CD5: variants seen among roughly 807,000 people sequenced by gnomAD.
CD5 encodes T-cell surface glycoprotein CD5.
In CD5, 36 loss-of-function variants were observed where a neutral mutation model predicts 60.3. The ratio of observed to expected loss-of-function variants is 0.60; its 90% CI spans 0.46 to 0.79. The LOEUF is 0.79. CD5 is among the 30% of genes least tolerant of loss of function. The pLI is 0.00. For synonymous variants in CD5, 230 were observed against 257.6 expected, an observed-to-expected ratio of 0.89 and a Z score of 1.03; for missense variants, 540 against 630.6, an observed-to-expected ratio of 0.86 and a Z score of 1.54.
At position 61,119,554 on chromosome 11, in the gene CD5, G is replaced by A; in HGVS notation, c.784G>A (p.Val262Ile). The change falls in exon 5 of 11, where the codon GTT becomes ATT. Residue 262 changes from valine to isoleucine, a missense_variant. Val to Ile is a conservative substitution (Grantham distance 29). Coordinates refer to ENST00000347785, the MANE Select transcript of CD5 (RefSeq NM_014207.4). Reference sequence around the variant, plus strand: ...AATCAAGCCCCAGAAAAGTGGCCGAGTTCTTGCCCTCCTTTGCTCAGGTAA... The same window carrying A: ...AATCAAGCCCCAGAAAAGTGGCCGAATTCTTGCCCTCCTTTGCTCAGGTAA... ...RKIKPQKSGRVLALLCSGFQP... is the reference protein window; with the variant it reads ...RKIKPQKSGRILALLCSGFQP... 1 of 1,611,754 alleles carries A rather than the reference G, an allele frequency of 6.2e-7. No individual in the cohort carries two copies. Among genetic ancestry groups the A allele is most frequent in the East Asian group, 2.2e-5 (1 of 44,884 alleles).
chr11:61,114,693 T>A (rs1306723840), intron 1 of CD5, among the ~76,000 whole-genome samples: 3 of 152,112 alleles, frequency 2.0e-5, no homozygotes, highest in African/African-American at 7.2e-5. Flanking sequence ...AAGGTTAGCA[T>A]GAGGGAATTT....
intron 2 of CD5, among the ~76,000 whole-genome samples, chr11:61,116,499 AC>A: frequency 1.8e-5 from 2 of 114,132 alleles, no homozygotes; most frequent in African/African-American, 7.2e-5. Flanking sequence ...CACACACACC[AC>A]CACACCACAC....
chr11:61,105,288 C>A (rs576692507), intron 1 of CD5, among the ~76,000 whole-genome samples: 1 of 152,338 alleles, frequency 6.6e-6, no homozygotes, highest in East Asian at 1.9e-4. Context: ...ACTGGCCTAG[C>A]CGATGCGACT....
upstream of CD5, among the ~76,000 whole-genome samples, chr11:61,100,288 A>ACATT (rs1189603424): frequency 2.8e-5 from 4 of 142,522 alleles, no homozygotes; most frequent in Non-Finnish European, 1.5e-5. Context: ...CATGGAGATC[A>ACATT]CACATACATC....
chr11:61,113,568 C>T (rs533632410), intron 1 of CD5, among the ~76,000 whole-genome samples: 1 of 152,362 alleles, frequency 6.6e-6, no homozygotes, highest in South Asian at 2.1e-4. Flanking sequence ...CAGAAATGGG[C>T]AGCTGTTAAA....
intron 2 of CD5, among the ~76,000 whole-genome samples, chr11:61,116,814 C>T (rs535866782): frequency 0.018 from 2,709 of 147,162 alleles, 87 homozygotes; most frequent in African/African-American, 0.062. Flanking sequence ...ACACACACCA[C>T]ACACACATAC....
upstream of CD5, among the ~76,000 whole-genome samples, chr11:61,097,854 G>A (rs1860605113): frequency 6.6e-6 from 1 of 152,176 alleles, no homozygotes; most frequent in African/African-American, 2.4e-5. Flanking sequence ...ACGGTTACAA[G>A]CTGCCTTAGA....
chr11:61,119,574 A>G lies in CD5; in HGVS notation c.804A>G (p.Ser268=), dbSNP rs775270359. The change falls in exon 5 of 11, where the codon TCA becomes TCG. Residue 268 remains serine (S), a splice_region_variant and synonymous_variant. Transcript: ENST00000347785. The part of the protein sequence containing the change: ...KSGRVLALLC[S]GFQPKVQSRL... ...GCCGAGTTCTTGCCCTCCTTTGCTC[A>G]GGTAAGTGAGACCTGGCCAAGCCCC... is the stretch of plus-strand genomic sequence containing the variant. The G allele has an allele frequency of 6.2e-7, 1 of 1,602,816 alleles. No homozygotes were observed. The highest frequency in any genetic ancestry group is 1.3e-5 in the African/African-American group (1 of 74,766).
In CD5 at chr11:61,118,608, A is replaced by G; in HGVS notation, c.400+128A>G. The G allele has an allele frequency of 1.2e-6, 1 of 859,082 alleles. No individual in the cohort carries two copies. Among genetic ancestry groups the G allele is most frequent in the Non-Finnish European group, 1.8e-6 (1 of 559,768 alleles). 53.2% of individuals were successfully genotyped at this position (859,082 alleles called of 1,614,324 possible). ...GGTGGGGGGACCCCAGTTTATAACC[A>G]CTCCCCAAGACACATACCCAGGAGG... is the stretch of plus-strand genomic sequence containing the variant. On this transcript the variant is annotated intron_variant, in intron 3 of 10. Transcript: ENST00000347785. This position sits in a 1 kb window ranked among gnomAD's most constrained non-coding sequence, Gnocchi z 4.7.
upstream of CD5, among the ~76,000 whole-genome samples, chr11:61,100,165 A>G (rs62646345): frequency 0.24 from 33,143 of 135,962 alleles, 4,441 homozygotes; most frequent in African/African-American, 0.36. Context: ...CACAACATGG[A>G]GATTACACAC....
At chr11:61,123,081 AGG>A (rs752819439) in intron 7 of CD5, 49 bp downstream of exon 7, 1 of 1,548,754 alleles carries the variant, frequency 6.5e-7, no homozygotes, top group Non-Finnish European at 8.8e-7. Context: ...CAGAGACTGG[AGG>A]GGCTGCACTA....
rs146318104 is a variant in CD5, at chr11:61,121,451, G to A, written c.806-160G>A. On this transcript the variant is annotated intron_variant, in intron 5 of 10. Coordinates refer to ENST00000347785, the MANE Select transcript of CD5 (RefSeq NM_014207.4). ...GGAAGAGCCACAGAGGGTGCCAGAAGGAGGGAAGGGCAGAAAAGAAGGCTG... is the reference window on the plus strand; with the variant it reads ...GGAAGAGCCACAGAGGGTGCCAGAAAGAGGGAAGGGCAGAAAAGAAGGCTG... Among the ~76,000 whole-genome samples the A allele has an allele frequency of 7.5e-3, 1,143 of 152,366 alleles. 16 individuals carry two copies. Among genetic ancestry groups the A allele is most frequent in the African/African-American group, 0.026 (1,092 of 41,588 alleles).
Position 61,118,864 on chromosome 11 carries a change from C to A in CD5, c.401-51C>A. On this transcript the variant is annotated intron_variant, in intron 3 of 10. Transcript: ENST00000347785. The surrounding 1 kb of genome is among the most constrained non-coding windows in gnomAD (Gnocchi z 4.7). ...TCCTCTCAAGGCTGCTGGCTGCCCC[C>A]GGCCCTCCCCACACCACCCATTCCT... 1 of 1,389,376 alleles carries A rather than the reference C, an allele frequency of 7.2e-7. No individual in the cohort carries two copies. 86.1% of individuals were successfully genotyped at this position (1,389,376 alleles called of 1,614,324 possible).
rs377071919 is a variant in CD5 at position 61,122,487 on chromosome 11, GTGGATGGA to G, written c.1100-403_1100-396del. Among the ~76,000 whole-genome samples, 677 of 150,222 alleles carry G rather than the reference GTGGATGGA, an allele frequency of 4.5e-3. 4 individuals carry two copies. Among genetic ancestry groups the G allele is most frequent in the African/African-American group, 0.016 (643 of 40,768 alleles). On this transcript the variant is annotated intron_variant, in intron 6 of 10. Transcript: ENST00000347785. The stretch of plus-strand genomic sequence containing the variant: ...GATGAGTGGACTGATGGATGGGTGA[GTGGATGGA>G]TGGATGGATGGATGGACAGAAGGGC...
upstream of CD5, chr11:61,102,440 T>C (rs1860706730): frequency 9.8e-6 from 5 of 507,674 alleles, no homozygotes; most frequent in East Asian, 8.5e-5. Context: ...CTGCTCCCCG[T>C]CCCACCCCTC....
At chr11:61,121,154 T>C (rs2134608836) in intron 5 of CD5, among the ~76,000 whole-genome samples, 1 of 152,370 alleles carries the variant, frequency 6.6e-6, no homozygotes, top group Non-Finnish European at 1.5e-5. Flanking sequence ...CTCAGGGCAG[T>C]AGGTCTTTCC....
upstream of CD5, among the ~76,000 whole-genome samples, chr11:61,100,581 ACACACACATCAACATGGAGAT>A (rs1565181053): frequency 1.0e-3 from 130 of 125,396 alleles, 5 homozygotes; most frequent in African/African-American, 4.2e-3. Context: ...CATGGAGATC[ACACACACATCAACATGGAGAT>A]CACACACACA....
At chr11:61,095,029 G>A in the CD5 span, among the ~76,000 whole-genome samples, 5 of 152,256 alleles carry the variant, frequency 3.3e-5, no homozygotes, top group East Asian at 9.6e-4. Flanking sequence ...GTAGCAAAGG[G>A]ACAGTTAGTT....
chr11:61,101,690 C>T (rs1030411032), upstream of CD5, among the ~76,000 whole-genome samples: 1 of 151,122 alleles, frequency 6.6e-6, no homozygotes, highest in Non-Finnish European at 1.5e-5. Flanking sequence ...CGATCACAAT[C>T]ACACACATCA....
Sources: allele counts gnomAD v4.1 joint callset (sites outside exome capture counted in the v4.1 genomes callset), GRCh38; gene constraint gnomAD v4.1.1; non-coding constraint Gnocchi (gnomAD v3.1); transcripts MANE v1.5; gene names NCBI Gene and HGNC (gene_info 2026-07-23, HGNC 2026-07-21).